B4GALT5: variants seen among roughly 807,000 people sequenced by gnomAD.
B4GALT5 encodes the protein beta-1,4-galactosyltransferase 5, also known as UDP-Gal:beta-GlcNAc beta-1,4-galactosyltransferase 5.
A neutral mutation model predicts 45.0 loss-of-function variants in B4GALT5; 11 were observed. That is an observed-to-expected ratio of 0.24 (90% confidence interval 0.15 to 0.40). The LOEUF (loss-of-function observed/expected upper bound fraction) is 0.40, where lower values mean the gene tolerates loss of function less well. Among genes scored for constraint, B4GALT5 ranks in the 10% least tolerant of loss-of-function variants. The pLI is 1.00. For missense variants in B4GALT5, 337 were observed against 500.2 expected, an observed-to-expected ratio of 0.67 and a Z score of 3.11; for synonymous variants, 185 against 182.9, an observed-to-expected ratio of 1.01 and a Z score of -0.09.
intron 1 of B4GALT5, among the ~76,000 whole-genome samples, chr20:49,668,547 T>C (rs913965053): frequency 6.9e-6 from 1 of 145,498 alleles, no homozygotes; most frequent in South Asian, 2.2e-4. Flanking sequence ...GCTGGTTCCA[T>C]TGAAACTGAA....
At chr20:49,706,955 T>C (rs1333710284) in intron 1 of B4GALT5, among the ~76,000 whole-genome samples, 3 of 152,096 alleles carry the variant, frequency 2.0e-5, no homozygotes, top group Admixed American at 6.6e-5. Flanking sequence ...GAATTTCTGC[T>C]CTCTCAGAGA....
In B4GALT5 at chr20:49,635,230, C is replaced by T. The variant is rs1005701760; in HGVS notation, c.*1082G>A. 3.0e-5 allele frequency: 4 copies of T among 134,614 alleles called. No homozygotes were observed. Among genetic ancestry groups the T allele is most frequent in the Non-Finnish European group, 6.4e-5 (4 of 62,406 alleles). 8.3% of individuals were successfully genotyped at this position (134,614 alleles called of 1,614,324 possible). A position where few individuals can be genotyped will look rare whatever the true frequency, so the allele number is the denominator to read the frequency against. On this transcript the variant is annotated 3_prime_UTR_variant, in exon 9 of 9. Coordinates refer to ENST00000371711, the MANE Select transcript of B4GALT5 (RefSeq NM_004776.4). Reference sequence around the variant, plus strand: ...GGAGGGATTCCCATACACACCCCCGCCCCCCGCCCCCCGCCCCGCCATGCT... The same window carrying T: ...GGAGGGATTCCCATACACACCCCCGTCCCCCGCCCCCCGCCCCGCCATGCT...
At chr20:49,678,818 G>T (rs1244629274) in intron 1 of B4GALT5, among the ~76,000 whole-genome samples, 2 of 152,166 alleles carry the variant, frequency 1.3e-5, no homozygotes, top group Non-Finnish European at 2.9e-5. Flanking sequence ...TACTAGGCTT[G>T]CTACTAAGAC....
chr20:49,670,535 G>C (rs147469558), intron 1 of B4GALT5, among the ~76,000 whole-genome samples: 5 of 152,294 alleles, frequency 3.3e-5, no homozygotes, highest in African/African-American at 1.2e-4. Context: ...TGGGACTACA[G>C]GCATGCATCA....
At chr20:49,669,110 C>T (rs1489263446) in intron 1 of B4GALT5, among the ~76,000 whole-genome samples, 1 of 152,098 alleles carries the variant, frequency 6.6e-6, no homozygotes, top group Non-Finnish European at 1.5e-5. Flanking sequence ...ATCCTCCTGC[C>T]TCAGCCTCCC....
chr20:49,675,330 C>T (rs2085732816), intron 1 of B4GALT5, among the ~76,000 whole-genome samples: 1 of 152,204 alleles, frequency 6.6e-6, no homozygotes, highest in South Asian at 2.1e-4. Context: ...ATGCTGGCAA[C>T]CACATAGCTC....
chr20:49,663,675 G>GAAAAAA (rs869246702), intron 1 of B4GALT5, among the ~76,000 whole-genome samples: 7 of 3,012 alleles, frequency 2.3e-3, no homozygotes, highest in Admixed American at 0.01. Flanking sequence ...TTCATCTCAA[G>GAAAAAA]AAAAAAAAAA....
intron 1 of B4GALT5, among the ~76,000 whole-genome samples, chr20:49,679,685 C>A (rs7364014): frequency 0.49 from 73,307 of 150,328 alleles, 18,317 homozygotes; most frequent in South Asian, 0.65. Flanking sequence ...TCAAAAAAAA[C>A]AAAAACAAAA....
At chr20:49,679,113 T>G (rs921948635) in intron 1 of B4GALT5, among the ~76,000 whole-genome samples, 3 of 152,222 alleles carry the variant, frequency 2.0e-5, no homozygotes, top group Admixed American at 6.5e-5. Flanking sequence ...TATAGCTGAC[T>G]GCAGAACTGC....
At chr20:49,673,722 T>G (rs2085725427) in intron 1 of B4GALT5, among the ~76,000 whole-genome samples, 1 of 152,168 alleles carries the variant, frequency 6.6e-6, no homozygotes, top group South Asian at 2.1e-4. Context: ...GTACTTTGAT[T>G]AAACAGGAGA....
rs148286380 is a variant in B4GALT5, at chr20:49,684,696, G to A, written c.116-27994C>T. On this transcript the variant is annotated intron_variant, in intron 1 of 8. Coordinates refer to ENST00000371711, the MANE Select transcript of B4GALT5 (RefSeq NM_004776.4). ...TCAAGGCATACCTGCAGACTTAAAC[G>A]ACATACTGAAGAGCCACGTCCTTGT... 248 of 513,392 alleles carry A rather than the reference G, an allele frequency of 4.8e-4. 1 individual carries two copies. Among genetic ancestry groups the A allele is most frequent in the South Asian group, 2.9e-3 (201 of 70,418 alleles). 31.8% of individuals were successfully genotyped at this position (513,392 alleles called of 1,614,324 possible).
At chr20:49,680,569 G>A (rs978745262) in intron 1 of B4GALT5, among the ~76,000 whole-genome samples, 5 of 152,088 alleles carry the variant, frequency 3.3e-5, no homozygotes, top group African/African-American at 1.2e-4. Context: ...TCACAGACAC[G>A]GAAAGTAGAA....
rs2085558146 is a variant in B4GALT5 at position 49,637,281 on chromosome 20, GAT to G, written c.1019+58_1019+59del. On this transcript the variant is annotated intron_variant, in intron 8 of 8. Transcript: ENST00000371711. ...GAGAAGGGGCTGTAATATGCTCTAAGATATCCGGACATGAAAGTATAGGGGAT... is the reference window on the plus strand; with the variant it reads ...GAGAAGGGGCTGTAATATGCTCTAAGATCCGGACATGAAAGTATAGGGGAT... 24 of 1,461,166 alleles carry G rather than the reference GAT, an allele frequency of 1.6e-5. 1 individual carries two copies. The South Asian group carries it at 2.7e-4, about 17-fold the overall frequency. 90.5% of individuals were successfully genotyped at this position (1,461,166 alleles called of 1,614,324 possible).
intron 1 of B4GALT5, among the ~76,000 whole-genome samples, chr20:49,672,579 G>C (rs1444254423): frequency 6.6e-6 from 1 of 152,122 alleles, no homozygotes; most frequent in Non-Finnish European, 1.5e-5. Flanking sequence ...CACTTGATCA[G>C]ACATAAACTT....
In B4GALT5 at chr20:49,640,680, A is replaced by C; in HGVS notation, c.607-15T>G. 1 of 1,572,364 alleles carries C rather than the reference A, an allele frequency of 6.4e-7. No homozygotes were observed. The highest frequency in any genetic ancestry group is 8.6e-7 in the Non-Finnish European group (1 of 1,164,626). Reference sequence around the variant, plus strand: ...TGGGTACCAACCTAAAAGAAACAGAACTTTATCTTTAAAAGAATCTTGAAG... The same window carrying C: ...TGGGTACCAACCTAAAAGAAACAGACCTTTATCTTTAAAAGAATCTTGAAG... On this transcript the variant is annotated splice_polypyrimidine_tract_variant and intron_variant, in intron 5 of 8. Coordinates refer to ENST00000371711, the MANE Select transcript of B4GALT5 (RefSeq NM_004776.4).
chr20:49,713,813 G>A lies in B4GALT5; in HGVS notation c.-123C>T, dbSNP rs1378643552. The A allele has an allele frequency of 4.5e-5, 7 of 156,922 alleles. No individual in the cohort carries two copies. In the South Asian group the frequency reaches 6.9e-4, roughly 15 times the overall value. 9.7% of individuals were successfully genotyped at this position (156,922 alleles called of 1,614,324 possible). A position where few individuals can be genotyped will look rare whatever the true frequency, so the allele number is the denominator to read the frequency against. ...GGCCACCGCCTCCCGGGCCTCGCGG[G>A]CCGCCACTCGCCGCCGCCGCCGCCT... On this transcript the variant is annotated 5_prime_UTR_variant, in exon 1 of 9. Transcript: ENST00000371711.
At chr20:49,656,809 CT>C in intron 1 of B4GALT5, 107 bp from the exon 2 acceptor site, 1 of 1,391,622 alleles carries the variant, frequency 7.2e-7, no homozygotes, top group Non-Finnish European at 9.8e-7. Context: ...TTTAAAGCCT[CT>C]TTTAGTTCTT....
At chr20:49,650,141 A>G (rs2085615543) in intron 2 of B4GALT5, among the ~76,000 whole-genome samples, 1 of 152,194 alleles carries the variant, frequency 6.6e-6, no homozygotes, top group African/African-American at 2.4e-5. Flanking sequence ...ACTTCCTTCA[A>G]ACAATGATAC....
At chr20:49,639,237 T>C (rs1360918311) in intron 7 of B4GALT5, among the ~76,000 whole-genome samples, 1 of 152,244 alleles carries the variant, frequency 6.6e-6, no homozygotes, top group Non-Finnish European at 1.5e-5. Context: ...TTGTTGATTT[T>C]CGCATGTCAA....
Sources: allele counts gnomAD v4.1 joint callset (sites outside exome capture counted in the v4.1 genomes callset), GRCh38; gene constraint gnomAD v4.1.1; transcripts MANE v1.5; gene names NCBI Gene and HGNC (gene_info 2026-07-23, HGNC 2026-07-21).